RNGTT: variants seen among roughly 807,000 people sequenced by gnomAD.
RNGTT encodes the protein RNA guanylyltransferase and 5'-phosphatase, also known as mRNA-capping enzyme.
Under a neutral mutation model 79.3 loss-of-function variants are expected in RNGTT, and 33 were observed. The observed-to-expected ratio is 0.42, with a 90% CI of 0.32 to 0.56. RNGTT has a LOEUF of 0.56. Among genes scored for constraint, RNGTT ranks in the 20% least tolerant of loss-of-function variants. The probability of loss-of-function intolerance (pLI) is 0.17; values close to 1 mark genes in which losing one functional copy is unlikely to be tolerated. For missense variants in RNGTT, 497 were observed against 739.1 expected (o/e 0.67, Z 3.80); for synonymous variants, 222 against 235.9 (o/e 0.94, Z 0.54).
chr6:88,616,738 GTTGT>G, intron 14 of RNGTT, among the ~76,000 whole-genome samples: 1 of 152,044 alleles, frequency 6.6e-6, no homozygotes, highest in Middle Eastern at 3.4e-3. Context: ...TTTTAATTGG[GTTGT>G]TTATTGTTGT....
intron 13 of RNGTT, among the ~76,000 whole-genome samples, chr6:88,720,658 T>C (rs1776677873): frequency 6.6e-6 from 1 of 152,080 alleles, no homozygotes; most frequent in African/African-American, 2.4e-5. Context: ...ATTAATGAAA[T>C]TATAATTTCA....
intron 6 of RNGTT, among the ~76,000 whole-genome samples, chr6:88,892,961 C>A (rs1348778104): frequency 6.6e-6 from 1 of 152,034 alleles, no homozygotes; most frequent in Non-Finnish European, 1.5e-5. Context: ...TTGTACTTAT[C>A]TGTCTTCTAC....
intron 14 of RNGTT, among the ~76,000 whole-genome samples, chr6:88,640,096 T>A (rs558753731): frequency 6.6e-6 from 1 of 152,238 alleles, no homozygotes; most frequent in East Asian, 1.9e-4. Context: ...CCCTATGCTG[T>A]AGACATTAAA....
chr6:88,748,905 T>C (rs1292209856), intron 13 of RNGTT, among the ~76,000 whole-genome samples: 2 of 151,910 alleles, frequency 1.3e-5, no homozygotes, highest in Non-Finnish European at 2.9e-5. Context: ...AGGCTCATCA[T>C]AGTAAATCTA....
intron 4 of RNGTT, among the ~76,000 whole-genome samples, chr6:88,911,589 C>A (rs986970590): frequency 6.6e-6 from 1 of 151,896 alleles, no homozygotes; most frequent in African/African-American, 2.4e-5. Context: ...GAAATCAATA[C>A]CAAGATAAAC....
chr6:88,676,289 T>G (rs913676895), intron 14 of RNGTT, among the ~76,000 whole-genome samples: 3 of 152,112 alleles, frequency 2.0e-5, no homozygotes, highest in Admixed American at 2.0e-4. Context: ...AGCTGTAAGG[T>G]CTTTATTCTT....
At chr6:88,930,034 A>ACATATGCATATATACATATACATG (rs1784452707) in intron 2 of RNGTT, among the ~76,000 whole-genome samples, 1 of 111,688 alleles carries the variant, frequency 9.0e-6, no homozygotes, top group Non-Finnish European at 2.1e-5. Flanking sequence ...ATATATGCAT[A>ACATATGCATATATACATATACATG]TATATGCATA....
chr6:88,858,850 T>C (rs1781919670), intron 8 of RNGTT, among the ~76,000 whole-genome samples: 1 of 152,068 alleles, frequency 6.6e-6, no homozygotes, highest in Admixed American at 6.6e-5. Flanking sequence ...CACAGACTAG[T>C]AGGTGCAATG....
intron 8 of RNGTT, among the ~76,000 whole-genome samples, chr6:88,880,079 G>C (rs1782647312): frequency 6.6e-6 from 1 of 152,138 alleles, no homozygotes; most frequent in South Asian, 2.1e-4. Context: ...CTGGATTACA[G>C]GAAAAACTTA....
At chr6:88,769,466 C>T (rs1005011770) in intron 13 of RNGTT, among the ~76,000 whole-genome samples, 3 of 151,788 alleles carry the variant, frequency 2.0e-5, no homozygotes, top group South Asian at 4.2e-4. Flanking sequence ...AGCCAAAATT[C>T]GTTTTTTAAT....
intron 14 of RNGTT, among the ~76,000 whole-genome samples, chr6:88,647,795 T>C (rs1032184993): frequency 1.3e-5 from 2 of 151,176 alleles, no homozygotes; most frequent in Non-Finnish European, 2.9e-5. Flanking sequence ...CTGAACAAAC[T>C]TAACCAATCA....
chr6:88,643,015 G>A lies in RNGTT; in HGVS notation c.1507-28620C>T, dbSNP rs563712857. ...CAAATGCGCCTTGACTTACAATACA[G>A]TTACATCCTGCTTAGCCCACTGTAA... is the stretch of plus-strand genomic sequence containing the variant. On this transcript the variant is annotated intron_variant, in intron 14 of 15. Coordinates refer to ENST00000369485, the MANE Select transcript of RNGTT (RefSeq NM_003800.5). 2.6e-5 allele frequency among the ~76,000 whole-genome samples: 4 copies of A among 152,150 alleles called. No homozygotes were observed. In the South Asian group the frequency reaches 8.3e-4, roughly 32 times the overall value.
intron 4 of RNGTT, among the ~76,000 whole-genome samples, chr6:88,925,595 A>AT (rs1447853015): frequency 9.2e-6 from 1 of 108,698 alleles, no homozygotes; most frequent in Non-Finnish European, 2.1e-5. Flanking sequence ...CTTACCTCAT[A>AT]AAAAAAAAAA....
chr6:88,644,912 A>C (rs1048435962), intron 14 of RNGTT, among the ~76,000 whole-genome samples: 3 of 152,184 alleles, frequency 2.0e-5, no homozygotes, highest in Admixed American at 6.5e-5. Context: ...AATGGGCAAA[A>C]ACTGGAAGCA....
In RNGTT at chr6:88,929,156, T is replaced by C; in HGVS notation, c.278+8A>G. The C allele has an allele frequency of 1.3e-6, 2 of 1,574,160 alleles. No individual in the cohort carries two copies. Among genetic ancestry groups the C allele is most frequent in the Non-Finnish European group, 1.7e-6 (2 of 1,149,732 alleles). On this transcript the variant is annotated splice_region_variant and intron_variant, in intron 3 of 15. Transcript: ENST00000369485. Reference sequence around the variant, plus strand: ...TTCAATATTAAAGAATCTTAATATATAACTTACCCTTTACACTGAAGTTTT... The same window carrying C: ...TTCAATATTAAAGAATCTTAATATACAACTTACCCTTTACACTGAAGTTTT...
At chr6:88,751,919 G>C (rs1343538756) in intron 13 of RNGTT, among the ~76,000 whole-genome samples, 1 of 151,994 alleles carries the variant, frequency 6.6e-6, no homozygotes, top group Admixed American at 6.5e-5. Flanking sequence ...TGTCATAATT[G>C]TTCCTATAAT....
chr6:88,792,061 T>C (rs146079403), intron 12 of RNGTT, among the ~76,000 whole-genome samples: 1 of 152,196 alleles, frequency 6.6e-6, no homozygotes, highest in Non-Finnish European at 1.5e-5. Flanking sequence ...CTAGTAGATA[T>C]GTTGCCTATT....
At chr6:88,959,051 A>G (rs1785527883) in intron 1 of RNGTT, among the ~76,000 whole-genome samples, 1 of 152,252 alleles carries the variant, frequency 6.6e-6, no homozygotes, top group African/African-American at 2.4e-5. Context: ...AAATAATGGC[A>G]TTCATGGCAA....
At chr6:88,738,374 A>G (rs1436596200) in intron 13 of RNGTT, among the ~76,000 whole-genome samples, 1 of 152,208 alleles carries the variant, frequency 6.6e-6, no homozygotes, top group East Asian at 1.9e-4. Flanking sequence ...GGGATCCTGG[A>G]AAAGAAAAAG....
Sources: gnomAD v4.1 joint callset for allele counts (sites outside exome capture counted in the v4.1 genomes callset) on GRCh38, gnomAD v4.1.1 for gene constraint, MANE v1.5 for transcripts, NCBI Gene and HGNC (gene_info 2026-07-23, HGNC 2026-07-21) for gene names.